FBRSL1: variants seen among roughly 807,000 people sequenced by gnomAD.
The protein encoded by FBRSL1 is fibrosin like 1.
Under a neutral mutation model 89.6 loss-of-function variants are expected in FBRSL1, and 51 were observed. The ratio of observed to expected loss-of-function variants is 0.57; its 90% CI spans 0.45 to 0.72. FBRSL1 has a LOEUF of 0.72. FBRSL1 is among the 30% of genes least tolerant of loss of function. FBRSL1 has a pLI of 0.00. For missense variants in FBRSL1, 1,618 were observed against 1,451.8 expected, an observed-to-expected ratio of 1.11 and a Z score of -1.86; for synonymous variants, 779 against 681.1, an observed-to-expected ratio of 1.14 and a Z score of -2.24.
At chr12:132,492,494 C>G (rs2031211037) in intron 1 of FBRSL1, among the ~76,000 whole-genome samples, 2 of 152,288 alleles carry the variant, frequency 1.3e-5, no homozygotes, top group South Asian at 4.1e-4. Context: ...GGTCTGGTGC[C>G]GGGAAGAGCT....
rs532587086 is a variant in FBRSL1 at position 132,570,500 on chromosome 12, G to A, written c.1173G>A (p.Ala391=). The stretch of plus-strand genomic sequence containing the variant: ...CCCCGACACTGCCCCCGCCCCCGGC[G>A]CTGCCGGCCAGCAGCCTGGTCCTCC... ...AAPPTLPPPP[A]LPASSLVLPG... Residue 391 remains alanine, a synonymous_variant, in exon 8 of 19, where the codon GCG becomes GCA. Transcript: ENST00000680143. 5,051 of 1,526,842 alleles carry A rather than the reference G, an allele frequency of 3.3e-3. 10 individuals carry two copies. The highest frequency in any genetic ancestry group is 3.9e-3 in the Non-Finnish European group (4,505 of 1,142,454). The allele number at this position is 1,526,842 out of a possible 1,614,324, so 94.6% of individuals were successfully genotyped here.
chr12:132,560,793 C>T (rs1283719187), intron 5 of FBRSL1, among the ~76,000 whole-genome samples: 1 of 152,226 alleles, frequency 6.6e-6, no homozygotes, highest in Non-Finnish European at 1.5e-5. Context: ...CCCACCTGTA[C>T]CCTGGGCTTG....
At position 132,525,617 on chromosome 12, in the gene FBRSL1, C is replaced by T. The variant is rs2035724370; in HGVS notation, c.490-117C>T. On this transcript the variant is annotated intron_variant, in intron 2 of 18. Transcript: ENST00000680143. ...CCAAAGCGCCCAGCGGCTGTCGGGG[C>T]GCCTGGGGCCGGGGTGCTGGGGTGC... 2.8e-5 allele frequency: 22 copies of T among 789,148 alleles called. No homozygotes were observed. In the South Asian group the frequency reaches 3.3e-4, roughly 12 times the overall value. The allele number at this position is 789,148 out of a possible 1,614,324, so 48.9% of individuals were successfully genotyped here.
intron 14 of FBRSL1, among the ~76,000 whole-genome samples, chr12:132,576,183 G>A (rs924075290): frequency 5.8e-5 from 8 of 137,374 alleles, no homozygotes; most frequent in African/African-American, 8.4e-5. Context: ...ACGTGAGCAT[G>A]CTTTTTCAGT....
chr12:132,581,514 C>CAGGT lies in FBRSL1; in HGVS notation c.1911_1912+2dup, dbSNP rs2040746049. 2 of 1,550,846 alleles carry CAGGT rather than the reference C, an allele frequency of 1.3e-6. No individual in the cohort carries two copies. Among genetic ancestry groups the CAGGT allele is most frequent in the African/African-American group, 2.7e-5 (2 of 73,048 alleles). On this transcript the variant is annotated frameshift_variant and splice_region_variant, in exon 16 of 19. Transcript: ENST00000680143. LOFTEE classifies it high-confidence loss of function. ...AGCTTCCTGCCCACTGGCCCCCTGA[C>CAGGT]AGGTGGGTGTCTCTGAATTCAGCCC...
chr12:132,545,971 C>T (rs1020835882), intron 4 of FBRSL1, among the ~76,000 whole-genome samples: 1 of 152,204 alleles, frequency 6.6e-6, no homozygotes, highest in African/African-American at 2.4e-5. Flanking sequence ...TCCTGTCCCA[C>T]CTCCAGGGCG....
At chr12:132,581,149 A>C (rs940381662) in intron 15 of FBRSL1, 2 of 985,314 alleles carry the variant, frequency 2.0e-6, no homozygotes, top group African/African-American at 3.5e-5. Flanking sequence ...TCTCTGCCCA[A>C]GTTGCAGCCC....
At chr12:132,580,278 T>G (rs1300204899) in intron 15 of FBRSL1, among the ~76,000 whole-genome samples, 1 of 152,068 alleles carries the variant, frequency 6.6e-6, no homozygotes, top group Non-Finnish European at 1.5e-5. Context: ...AGTAGAGACA[T>G]GGTTTCACCA....
intron 5 of FBRSL1, among the ~76,000 whole-genome samples, chr12:132,556,072 T>A (rs948521346): frequency 1.3e-5 from 2 of 152,194 alleles, no homozygotes; most frequent in African/African-American, 2.4e-5. Context: ...TTCTGCACTT[T>A]CCCTGGGAGC....
At chr12:132,562,648 C>A (rs1055273809) in intron 5 of FBRSL1, among the ~76,000 whole-genome samples, 5 of 101,032 alleles carry the variant, frequency 4.9e-5, no homozygotes, top group Non-Finnish European at 9.7e-5. Context: ...ACCAGCTGCA[C>A]CGCAGCCCTT....
At chr12:132,497,756 G>T (rs1383731845) in intron 1 of FBRSL1, among the ~76,000 whole-genome samples, 3 of 152,196 alleles carry the variant, frequency 2.0e-5, no homozygotes, top group Non-Finnish European at 4.4e-5. Context: ...ACCCTTCTTA[G>T]TGGCCCGGGG....
At chr12:132,493,383 A>G (rs1283025437) in intron 1 of FBRSL1, among the ~76,000 whole-genome samples, 3 of 152,180 alleles carry the variant, frequency 2.0e-5, no homozygotes, top group South Asian at 4.1e-4. Flanking sequence ...CCCGCGGGAC[A>G]CTGCAGTGGT....
At chr12:132,547,031 A>G (rs1195751972) in intron 4 of FBRSL1, among the ~76,000 whole-genome samples, 2 of 152,190 alleles carry the variant, frequency 1.3e-5, no homozygotes, top group Non-Finnish European at 2.9e-5. Context: ...CCACCAGGTC[A>G]TTCATTCGAC....
At chr12:132,575,809 C>G (rs1042987206) in intron 14 of FBRSL1, among the ~76,000 whole-genome samples, 1 of 152,260 alleles carries the variant, frequency 6.6e-6, no homozygotes, top group African/African-American at 2.4e-5. Flanking sequence ...CCAGTGAAAC[C>G]ACCCCAGTGC....
intron 2 of FBRSL1, among the ~76,000 whole-genome samples, chr12:132,513,714 T>C (rs1367783794): frequency 6.6e-6 from 1 of 152,082 alleles, no homozygotes; most frequent in Non-Finnish European, 1.5e-5. Context: ...TGGTTTGTTG[T>C]TGGGGGAGGA....
intron 2 of FBRSL1, chr12:132,510,707 G>A (rs1469863617): frequency 4.9e-6 from 6 of 1,217,906 alleles, no homozygotes; most frequent in Admixed American, 8.6e-5. Flanking sequence ...TCTGCCTGCC[G>A]CCCCGCCATG....
intron 4 of FBRSL1, among the ~76,000 whole-genome samples, chr12:132,544,392 G>A (rs1382171403): frequency 1.3e-5 from 2 of 152,158 alleles, no homozygotes; most frequent in Non-Finnish European, 1.5e-5. Context: ...GTGGCTACAG[G>A]AAGGCTCACC....
intron 13 of FBRSL1, 65 bp downstream of exon 13, chr12:132,574,413 G>C (rs2040247375): frequency 1.3e-6 from 2 of 1,548,604 alleles, no homozygotes; most frequent in African/African-American, 1.4e-5. Flanking sequence ...CGGCCTCGGG[G>C]GGCCCGTGAC....
intron 9 of FBRSL1, 24 bp downstream of exon 9, chr12:132,571,255 G>T: frequency 1.4e-6 from 2 of 1,476,050 alleles, no homozygotes; most frequent in Non-Finnish European, 1.8e-6. Flanking sequence ...TCGCCCCGCC[G>T]GGAGCCCGCG....
Sources: gnomAD v4.1 joint callset for allele counts (sites outside exome capture counted in the v4.1 genomes callset) on GRCh38, gnomAD v4.1.1 for gene constraint, MANE v1.5 for transcripts, NCBI Gene and HGNC (gene_info 2026-07-23, HGNC 2026-07-21) for gene names.